Variants in SMAD3 observed in about 807,000 individuals in gnomAD.
SMAD3 encodes the protein SMAD family member 3.
SMAD3 carries 12 observed loss-of-function variants against 51.8 expected under a neutral mutation model. The ratio of observed to expected loss-of-function variants is 0.23; its 90% confidence interval spans 0.15 to 0.38. The LOEUF (loss-of-function observed/expected upper bound fraction) is 0.38. Ranked by LOEUF, SMAD3 falls within the 10% of genes least tolerant of loss-of-function variation. SMAD3 has a pLI of 1.00. For synonymous variants in SMAD3, 238 were observed against 227.7 expected (o/e 1.05, Z -0.41); for missense variants, 294 against 565.6 (o/e 0.52, Z 4.87).
chr15:67,094,135 G>A (rs1182714290), intron 1 of SMAD3, among the ~76,000 whole-genome samples: 3 of 152,218 alleles, frequency 2.0e-5, no homozygotes, highest in Admixed American at 6.5e-5. Context: ...ACCACCTGAG[G>A]CCTGCGTGGG....
intron 7 of SMAD3, chr15:67,187,129 A>G (rs1963241682): frequency 3.0e-6 from 2 of 668,962 alleles, no homozygotes; most frequent in Non-Finnish European, 2.7e-6. Context: ...CTCCCCTTGC[A>G]GGTATGTCAG....
Position 67,193,540 on chromosome 15 carries a change from T to C in SMAD3, c.*3004T>C, listed in dbSNP as rs1963420245. The C allele has an allele frequency of 4.3e-6, 1 of 233,782 alleles. No individual in the cohort carries two copies. The highest frequency in any genetic ancestry group is 8.5e-6 in the Non-Finnish European group (1 of 118,068). The allele number at this position is 233,782 out of a possible 1,614,324, so 14.5% of individuals were successfully genotyped here. ...ATTACAGGCCTGTGCTGGAACATCA[T>C]CTCAGTTGGCCACCTTCCTGGCAGG... On this transcript the variant is annotated 3_prime_UTR_variant, in exon 9 of 9. Coordinates refer to ENST00000327367, the MANE Select transcript of SMAD3 (RefSeq NM_005902.4).
intron 1 of SMAD3, among the ~76,000 whole-genome samples, chr15:67,077,490 G>A (rs1163212576): frequency 1.3e-5 from 2 of 152,298 alleles, no homozygotes; most frequent in East Asian, 3.9e-4. Flanking sequence ...TTGTTTGCTG[G>A]AAATCTTTAT....
rs540311116 is a variant in SMAD3 at position 67,148,242 on chromosome 15, A to T, written c.207-16653A>T. The stretch of plus-strand genomic sequence containing the variant: ...ATCCGTTGAACCCATCATTTTTTAA[A>T]TGAGATAATCCATACCTAAAGACTC... On this transcript the variant is annotated intron_variant, in intron 1 of 8. Transcript: ENST00000327367. 1.2e-4 allele frequency among the ~76,000 whole-genome samples: 19 copies of T among 152,268 alleles called. No individual in the cohort carries two copies. In the South Asian group the frequency reaches 3.9e-3, roughly 32 times the overall value.
chr15:67,079,557 A>C (rs1169083108), intron 1 of SMAD3, among the ~76,000 whole-genome samples: 1 of 152,186 alleles, frequency 6.6e-6, no homozygotes, highest in African/African-American at 2.4e-5. Context: ...TTAGCAAATC[A>C]CCTAAGCCCA....
At chr15:67,137,906 C>T in intron 1 of SMAD3, 1 of 691,734 alleles carries the variant, frequency 1.4e-6, no homozygotes, top group Admixed American at 2.1e-5. Flanking sequence ...GTTGCCAGGG[C>T]TCTTCTGTTA....
chr15:67,170,594 T>A lies in SMAD3; in HGVS notation c.648T>A (p.His216Gln). 1 of 1,613,864 alleles carries A rather than the reference T, an allele frequency of 6.2e-7. No individual in the cohort carries two copies. The highest frequency in any genetic ancestry group is 8.5e-7 in the Non-Finnish European group (1 of 1,179,774). ...NLSPNPMSPAHNNLDLQPVTY... is the reference protein window; with the variant it reads ...NLSPNPMSPAQNNLDLQPVTY... ...CCCCGAATCCGATGTCCCCAGCACATAATAACTTGGGTGAGTATCTCCTTG... is the reference window on the plus strand; with the variant it reads ...CCCCGAATCCGATGTCCCCAGCACAAAATAACTTGGGTGAGTATCTCCTTG... Residue 216 changes from histidine to glutamine, a missense_variant, in exon 5 of 9, where the codon CAT becomes CAA. Physicochemically the swap from His to Gln is conservative, Grantham distance 24. Transcript: ENST00000327367.
At chr15:67,190,327 C>T (rs1320923437) in intron 8 of SMAD3, 86 bp from the exon 9 acceptor site, 4 of 1,297,122 alleles carry the variant, frequency 3.1e-6, no homozygotes, top group Non-Finnish European at 4.5e-6. Context: ...ATGACTGTCA[C>T]CAAAGCAGAA....
At chr15:67,120,663 A>G (rs1961238125) in intron 1 of SMAD3, among the ~76,000 whole-genome samples, 1 of 152,130 alleles carries the variant, frequency 6.6e-6, no homozygotes, top group Admixed American at 6.5e-5. Flanking sequence ...CCCTGGCCCT[A>G]CCAGGTAAGA....
At chr15:67,086,443 T>A (rs1189981730) in intron 1 of SMAD3, among the ~76,000 whole-genome samples, 1 of 152,014 alleles carries the variant, frequency 6.6e-6, no homozygotes, top group East Asian at 1.9e-4. Context: ...AAGGTCAAAC[T>A]GGGAAGGGGC....
chr15:67,162,109 TTGTC>T (rs1275696923), intron 1 of SMAD3, among the ~76,000 whole-genome samples: 8 of 152,236 alleles, frequency 5.3e-5, no homozygotes, highest in African/African-American at 1.9e-4. Flanking sequence ...GCTATGACCT[TTGTC>T]TGTCCTTTCC....
chr15:67,188,139 TTTCTTTTTC>T (rs1963269142), intron 8 of SMAD3, among the ~76,000 whole-genome samples: 1 of 132,672 alleles, frequency 7.5e-6, no homozygotes. Flanking sequence ...CTGGTTTCTT[TTTCTTTTTC>T]TTTTTTTTTT....
chr15:67,114,899 G>C (rs1241358510), intron 1 of SMAD3, among the ~76,000 whole-genome samples: 1 of 152,206 alleles, frequency 6.6e-6, no homozygotes, highest in Non-Finnish European at 1.5e-5. Context: ...CCTAGGCCAG[G>C]AGCAGCCTTG....
At chr15:67,170,315 T>C (rs1962712275) in intron 4 of SMAD3, among the ~76,000 whole-genome samples, 1 of 152,230 alleles carries the variant, frequency 6.6e-6, no homozygotes, top group South Asian at 2.1e-4. Context: ...TCTGAGATCA[T>C]AATCATAAGA....
At chr15:67,173,910 G>A (rs774595243) in intron 5 of SMAD3, among the ~76,000 whole-genome samples, 13 of 152,196 alleles carry the variant, frequency 8.5e-5, no homozygotes, top group Non-Finnish European at 1.8e-4. Flanking sequence ...TGCCCCCATC[G>A]AGGCTGGACA....
intron 1 of SMAD3, among the ~76,000 whole-genome samples, chr15:67,085,488 G>A (rs1305151258): frequency 6.6e-6 from 1 of 152,198 alleles, no homozygotes; most frequent in African/African-American, 2.4e-5. Context: ...CAGAATCACT[G>A]TATAGTCAAC....
chr15:67,125,464 T>C (rs1595914101), intron 1 of SMAD3, among the ~76,000 whole-genome samples: 1 of 152,344 alleles, frequency 6.6e-6, no homozygotes, highest in Middle Eastern at 3.4e-3. Context: ...GAGCCAGATG[T>C]CAGTCCTGTG....
At chr15:67,077,788 G>A (rs2140201169) in intron 1 of SMAD3, among the ~76,000 whole-genome samples, 1 of 152,284 alleles carries the variant, frequency 6.6e-6, no homozygotes, top group Non-Finnish European at 1.5e-5. Flanking sequence ...CTGACATCTA[G>A]GGAAGGCAAG....
chr15:67,179,062 C>T (rs1277675354), intron 5 of SMAD3, among the ~76,000 whole-genome samples: 1 of 152,214 alleles, frequency 6.6e-6, no homozygotes, highest in Non-Finnish European at 1.5e-5. Context: ...GCGCCCTGCA[C>T]CTCACATGAG....
Sources: allele counts gnomAD v4.1 joint callset (sites outside exome capture counted in the v4.1 genomes callset), GRCh38; gene constraint gnomAD v4.1.1; transcripts MANE v1.5; gene names NCBI Gene and HGNC (gene_info 2026-07-23, HGNC 2026-07-21).